Variants in PARD3B observed in about 807,000 individuals in gnomAD.
PARD3B encodes the protein par-3 family cell polarity regulator beta, also known as partitioning defective 3 homolog B.
In PARD3B, 103 loss-of-function variants were observed where a neutral mutation model predicts 130.2. That is an observed-to-expected ratio of 0.79 (90% confidence interval 0.67 to 0.93). The LOEUF is 0.93. Among genes scored for constraint, PARD3B ranks in the 40% least tolerant of loss-of-function variants. PARD3B has a pLI of 0.00. For missense variants in PARD3B, 1,609 were observed against 1,499.2 expected (o/e 1.07, Z -1.21); for synonymous variants, 583 against 553.2 (o/e 1.05, Z -0.76).
In PARD3B at chr2:205,176,297, G is replaced by C; in HGVS notation, c.1792-148G>C. 1 of 671,286 alleles carries C rather than the reference G, an allele frequency of 1.5e-6. No individual in the cohort carries two copies. The highest frequency in any genetic ancestry group is 2.3e-6 in the Non-Finnish European group (1 of 428,830). The allele number at this position is 671,286 out of a possible 1,614,324, so 41.6% of individuals were successfully genotyped here. A position where few individuals can be genotyped will look rare whatever the true frequency, so the allele number is the denominator to read the frequency against. ...GACTCAAAGATGTTTTCACTGATAG[G>C]GCCATTTTGAGTTTCCACAGTTGAG... is the stretch of plus-strand genomic sequence containing the variant. On this transcript the variant is annotated intron_variant, in intron 12 of 22. Transcript: ENST00000406610. This position sits in a 1 kb window ranked among gnomAD's most constrained non-coding sequence, Gnocchi z 5.3.
chr2:205,272,784 C>T (rs907545341), intron 16 of PARD3B, among the ~76,000 whole-genome samples: 8 of 152,180 alleles, frequency 5.3e-5, no homozygotes, highest in African/African-American at 1.9e-4. Context: ...AAAATAATAG[C>T]TGTCCAAAAA....
chr2:205,117,482 G>A (rs1274912642), intron 6 of PARD3B, among the ~76,000 whole-genome samples: 4 of 152,132 alleles, frequency 2.6e-5, no homozygotes, highest in Admixed American at 1.3e-4. Context: ...GCTCATTAAG[G>A]GGACAGAGGT....
chr2:205,344,431 G>C (rs766599663), intron 18 of PARD3B, among the ~76,000 whole-genome samples: 36 of 152,090 alleles, frequency 2.4e-4, no homozygotes, highest in Admixed American at 7.2e-4. Context: ...TGACTTCTAT[G>C]CTTCAGCCTT....
At position 205,330,847 on chromosome 2, in the gene PARD3B, G is replaced by C. The variant is rs369802112; in HGVS notation, c.2630+29146G>C. On this transcript the variant is annotated intron_variant, in intron 18 of 22. Transcript: ENST00000406610. ...GAGGAAGGAGGTAGGGAAGAGTTGG[G>C]TGTTAATTTCTAAACTATAATGTGG... is the stretch of plus-strand genomic sequence containing the variant. Among the ~76,000 whole-genome samples, 25 of 152,284 alleles carry C rather than the reference G, an allele frequency of 1.6e-4. No individual in the cohort carries two copies. In the East Asian group the frequency reaches 4.8e-3, roughly 29 times the overall value.
chr2:204,957,678 C>A (rs1013856287), intron 2 of PARD3B, among the ~76,000 whole-genome samples: 8 of 151,948 alleles, frequency 5.3e-5, no homozygotes, highest in Non-Finnish European at 8.8e-5. Context: ...ACTTTGAAAC[C>A]TTTGTTTAAA....
chr2:204,920,194 G>T (rs2047614350), intron 2 of PARD3B, among the ~76,000 whole-genome samples: 1 of 152,152 alleles, frequency 6.6e-6, no homozygotes, highest in Non-Finnish European at 1.5e-5. Flanking sequence ...TGAGGCTGTG[G>T]CCCATCAGGG....
intron 2 of PARD3B, among the ~76,000 whole-genome samples, chr2:204,934,221 T>C (rs932219344): frequency 6.6e-6 from 1 of 152,194 alleles, no homozygotes; most frequent in African/African-American, 2.4e-5. Flanking sequence ...AATTACTTAA[T>C]ATCATTTTAC....
At chr2:204,867,543 T>C (rs879677514) in intron 2 of PARD3B, among the ~76,000 whole-genome samples, 6 of 152,236 alleles carry the variant, frequency 3.9e-5, no homozygotes, top group Admixed American at 3.9e-4. Context: ...TATTATCTTA[T>C]AACTTCAGCT....
chr2:204,976,968 C>T (rs1424869874), intron 3 of PARD3B, among the ~76,000 whole-genome samples: 6 of 152,104 alleles, frequency 3.9e-5, no homozygotes, highest in Admixed American at 6.5e-5. Flanking sequence ...TTTCAACTTT[C>T]AACCCATAAG....
At chr2:205,245,682 A>G in intron 15 of PARD3B, 96 bp from the exon 16 acceptor site, 4 of 993,260 alleles carry the variant, frequency 4.0e-6, no homozygotes, top group Non-Finnish European at 4.5e-6. Flanking sequence ...CCAGTAAAAG[A>G]TTTAACTTAT....
rs186888206 is a variant in PARD3B, at chr2:204,716,696, C to T, written c.222+30414C>T. Among the ~76,000 whole-genome samples the T allele has an allele frequency of 2.4e-3, 354 of 149,206 alleles. 1 individual carries two copies. The highest frequency in any genetic ancestry group is 5.5e-3 in the Admixed American group (83 of 14,958). On this transcript the variant is annotated intron_variant, in intron 2 of 22. Coordinates refer to ENST00000406610, the MANE Select transcript of PARD3B (RefSeq NM_001302769.2). The stretch of plus-strand genomic sequence containing the variant: ...GGAGTACAGTGGCGCGATCTCGGCT[C>T]ACTGCAAGTTCCGCCTCCTGGGTTC...
intron 2 of PARD3B, among the ~76,000 whole-genome samples, chr2:204,855,552 A>T (rs28785595): frequency 0.069 from 9,909 of 142,980 alleles, 406 homozygotes; most frequent in Admixed American, 0.09. Context: ...AAGAAAAAAA[A>T]ATATATATAT....
intron 21 of PARD3B, among the ~76,000 whole-genome samples, chr2:205,515,255 T>C (rs1479621042): frequency 6.6e-6 from 1 of 152,176 alleles, no homozygotes; most frequent in Non-Finnish European, 1.5e-5. Context: ...TGGTGGAGAT[T>C]TAGGTTGATT....
intron 1 of PARD3B, among the ~76,000 whole-genome samples, chr2:204,627,987 T>A (rs1481656431): frequency 1.6e-4 from 3 of 19,192 alleles, no homozygotes; most frequent in African/African-American, 1.5e-4. Context: ...TTTTTTGCGT[T>A]TTTTTTTTTT....
At position 205,268,773 on chromosome 2, in the gene PARD3B, A is replaced by G. The variant is rs777792096; in HGVS notation, c.2185+22951A>G. Among the ~76,000 whole-genome samples the G allele has an allele frequency of 3.8e-4, 58 of 152,172 alleles. No individual in the cohort carries two copies. The highest frequency in any genetic ancestry group is 5.7e-4 in the Non-Finnish European group (39 of 68,014). On this transcript the variant is annotated intron_variant, in intron 16 of 22. Transcript: ENST00000406610. This position sits in a 1 kb window ranked among gnomAD's most constrained non-coding sequence, Gnocchi z 4.1. ...AGAGACTTCTCAGCTCTTTGGGGAA[A>G]ATATTGAAATGCATGGTTTTAAGTG... is the stretch of plus-strand genomic sequence containing the variant.
intron 2 of PARD3B, among the ~76,000 whole-genome samples, chr2:204,781,251 G>T (rs1198538560): frequency 1.3e-5 from 2 of 152,032 alleles, no homozygotes; most frequent in East Asian, 3.9e-4. Context: ...CTCAATGCTA[G>T]GTTCTTGGTA....
rs998014511 is a variant in PARD3B, at chr2:205,146,512, G to A, written c.1435-12210G>A. Among the ~76,000 whole-genome samples the A allele has an allele frequency of 1.3e-5, 2 of 151,780 alleles. No homozygotes were observed. The highest frequency in any genetic ancestry group is 2.9e-5 in the Non-Finnish European group (2 of 67,994). On this transcript the variant is annotated intron_variant, in intron 10 of 22. Coordinates refer to ENST00000406610, the MANE Select transcript of PARD3B (RefSeq NM_001302769.2). The surrounding 1 kb of genome is among the most constrained non-coding windows in gnomAD (Gnocchi z 4.3). Reference sequence around the variant, plus strand: ...AAAATACAAAAACATTTATCTGGGCGTGGTGGCGGGCGCCTGTAGTCCCAG... The same window carrying A: ...AAAATACAAAAACATTTATCTGGGCATGGTGGCGGGCGCCTGTAGTCCCAG...
At chr2:205,272,804 A>G (rs1291744858) in intron 16 of PARD3B, among the ~76,000 whole-genome samples, 1 of 152,226 alleles carries the variant, frequency 6.6e-6, no homozygotes, top group African/African-American at 2.4e-5. Flanking sequence ...ACTTAACCTC[A>G]GATGCTTCAT....
At chr2:205,580,130 G>C (rs1218900626) in intron 22 of PARD3B, among the ~76,000 whole-genome samples, 1 of 152,176 alleles carries the variant, frequency 6.6e-6, no homozygotes, top group Non-Finnish European at 1.5e-5. Flanking sequence ...GTACTTGCAA[G>C]AAGTGTTCAT....
Sources: allele counts gnomAD v4.1 joint callset (sites outside exome capture counted in the v4.1 genomes callset), GRCh38; gene constraint gnomAD v4.1.1; non-coding constraint Gnocchi (gnomAD v3.1); transcripts MANE v1.5; gene names NCBI Gene and HGNC (gene_info 2026-07-23, HGNC 2026-07-21).